IRX2: variants seen among roughly 807,000 people sequenced by gnomAD.
IRX2 encodes the protein iroquois-class homeodomain protein IRX-2.
IRX2 carries 26 observed loss-of-function variants against 42.9 expected under a neutral mutation model. The observed-to-expected ratio is 0.61, with a 90% CI of 0.44 to 0.84. The LOEUF is 0.84. Ranked by LOEUF, IRX2 falls within the 40% of genes least tolerant of loss-of-function variation. The pLI, the probability that IRX2 is intolerant of heterozygous loss-of-function variation, is 0.00. For synonymous variants in IRX2, 424 were observed against 353.9 expected, an observed-to-expected ratio of 1.20 and a Z score of -2.22; for missense variants, 782 against 713.9, an observed-to-expected ratio of 1.10 and a Z score of -1.09.
chr5:2,748,145 T>C (rs1737747648), intron 3 of IRX2, among the ~76,000 whole-genome samples, 200 bp downstream of exon 3: 1 of 152,146 alleles, frequency 6.6e-6, no homozygotes, highest in Non-Finnish European at 1.5e-5. Flanking sequence ...AAATAAATAA[T>C]AACAGGGCAA....
chr5:2,742,321 T>C (rs1169672530), downstream of IRX2, among the ~76,000 whole-genome samples: 46 of 152,216 alleles, frequency 3.0e-4, 1 homozygote, highest in Admixed American at 2.0e-4. Context: ...TTATGGCCAA[T>C]AGATAGTAAT....
At chr5:2,750,056 G>T (rs1481879269) in intron 1 of IRX2, among the ~76,000 whole-genome samples, 1 of 152,128 alleles carries the variant, frequency 6.6e-6, no homozygotes, top group Non-Finnish European at 1.5e-5. Context: ...TTCCGGAGCC[G>T]CTCGTGGCAA....
At chr5:2,736,364 G>T in the IRX2 span, among the ~76,000 whole-genome samples, 1 of 152,170 alleles carries the variant, frequency 6.6e-6, no homozygotes, top group Admixed American at 6.5e-5. Flanking sequence ...TCATCTCAGG[G>T]ATTAAATTTT....
At chr5:2,745,086 T>G (rs1001239893), downstream of IRX2, among the ~76,000 whole-genome samples, 7 of 152,234 alleles carry the variant, frequency 4.6e-5, no homozygotes, top group Admixed American at 3.9e-4. Context: ...CTATCGGAGC[T>G]GGCAGATGTT....
downstream of IRX2, among the ~76,000 whole-genome samples, chr5:2,744,078 G>A (rs1451554476): frequency 5.4e-3 from 131 of 24,088 alleles, no homozygotes; most frequent in Middle Eastern, 0.024. Flanking sequence ...GGAGTCGTGT[G>A]TGTGTGTGTG....
chr5:2,745,913 G>A (rs1737649176), downstream of IRX2: 1 of 151,828 alleles, frequency 6.6e-6, no homozygotes, highest in South Asian at 2.1e-4. Flanking sequence ...AGCACACTCA[G>A]GGCACAAAAA....
At chr5:2,749,875 C>T (rs1291503832) in intron 1 of IRX2, 88 bp from the exon 2 acceptor site, 7 of 1,351,792 alleles carry the variant, frequency 5.2e-6, no homozygotes, top group South Asian at 4.3e-5. Flanking sequence ...CCGCCCACGG[C>T]CACCGTTCCC....
At chr5:2,737,160 T>C in the IRX2 span, 1 of 152,336 alleles carries the variant, frequency 6.6e-6, no homozygotes, top group East Asian at 1.9e-4. Flanking sequence ...AGTAGCTCCG[T>C]TCATTCACGA....
chr5:2,739,223 C>T, the IRX2 span, among the ~76,000 whole-genome samples: 3 of 152,242 alleles, frequency 2.0e-5, no homozygotes, highest in South Asian at 2.1e-4. Context: ...CGGCAACCCA[C>T]CCCGAGCCCG....
chr5:2,735,638 C>T, the IRX2 span, among the ~76,000 whole-genome samples: 8 of 152,176 alleles, frequency 5.3e-5, no homozygotes, highest in African/African-American at 1.4e-4. Flanking sequence ...ACTTCTCTAA[C>T]AAAATATTTT....
Position 2,749,711 on chromosome 5 carries a change from G to A in IRX2, c.326C>T (p.Pro109Leu). ...SYHPYGSAAY[P>L]YQLNDPAYRK... ...GTACGCGGGGTCGTTGAGCTGGTAC[G>A]GGTAGGCCGCGCTGCCGTACGGGTG... The change falls in exon 2 of 4, where the codon CCG becomes CTG. Residue 109 changes from proline to leucine, a missense_variant. Pro to Leu is a moderately conservative substitution (Grantham distance 98). This residue lies in a region of IRX2 where 256 missense variants were observed against 250.0 expected (regional missense o/e 1.02). Coordinates refer to ENST00000302057, the MANE Select transcript of IRX2 (RefSeq NM_033267.5). 1 of 1,614,022 alleles carries A rather than the reference G, an allele frequency of 6.2e-7. No homozygotes were observed. Among genetic ancestry groups the A allele is most frequent in the Admixed American group, 1.7e-5 (1 of 60,012 alleles).
the IRX2 span, among the ~76,000 whole-genome samples, chr5:2,735,959 GA>G: frequency 2.0e-5 from 3 of 152,284 alleles, no homozygotes; most frequent in Middle Eastern, 3.4e-3. Context: ...CCTCAAGGAA[GA>G]AAAAAATTCC....
chr5:2,742,867 T>TGTG (rs1156438747), downstream of IRX2, among the ~76,000 whole-genome samples: 1 of 152,188 alleles, frequency 6.6e-6, no homozygotes, highest in Non-Finnish European at 1.5e-5. Context: ...AGTATGTACA[T>TGTG]TCACTCCGTA....
rs1182929450 is a variant in IRX2 at position 2,749,058 on chromosome 5, G to A, written c.656-6C>T. The A allele has an allele frequency of 1.9e-6, 3 of 1,595,362 alleles. No homozygotes were observed. The highest frequency in any genetic ancestry group is 2.5e-6 in the Non-Finnish European group (3 of 1,178,670). ...GTCCACGTGCAGGCTGATCCCTGTG[G>A]GGGCGCGGGCACGGTGGGTGGCACG... is the stretch of plus-strand genomic sequence containing the variant. On this transcript the variant is annotated splice_polypyrimidine_tract_variant and splice_region_variant and intron_variant, in intron 2 of 3. Coordinates refer to ENST00000302057, the MANE Select transcript of IRX2 (RefSeq NM_033267.5).
intron 1 of IRX2, among the ~76,000 whole-genome samples, 189 bp from the exon 2 acceptor site, chr5:2,749,976 G>A (rs1020628025): frequency 6.6e-6 from 1 of 152,202 alleles, no homozygotes; most frequent in Non-Finnish European, 1.5e-5. Flanking sequence ...ATCACAAAAA[G>A]TACCGGAGTT....
the IRX2 span, among the ~76,000 whole-genome samples, chr5:2,740,314 G>A: frequency 2.2e-4 from 34 of 152,214 alleles, no homozygotes; most frequent in African/African-American, 8.2e-4. Flanking sequence ...CGCAGAAGGC[G>A]AGCGGTCACA....
Position 2,748,616 on chromosome 5 carries a change from C to T in IRX2, c.1092G>A (p.Gly364=), listed in dbSNP as rs752840320. 1.2e-5 allele frequency: 18 copies of T among 1,521,338 alleles called. No individual in the cohort carries two copies. The highest frequency in any genetic ancestry group is 1.5e-5 in the Non-Finnish European group (17 of 1,137,860). 94.2% of individuals were successfully genotyped at this position (1,521,338 alleles called of 1,614,324 possible). A position where few individuals can be genotyped will look rare whatever the true frequency, so the allele number is the denominator to read the frequency against. ...LPAAAAPAST[G]APPGGSPYPA... is the part of the protein sequence containing the mutation. ...GGTAGGGCGAGCCTCCTGGCGGTGC[C>T]CCGGTTGAGGCCGGCGCGGCGGCCG... is the stretch of plus-strand genomic sequence containing the variant. Residue 364 remains glycine, a synonymous_variant, in exon 3 of 4, where the codon GGG becomes GGA. Transcript: ENST00000302057.
At position 2,746,368 on chromosome 5, in the gene IRX2, A is replaced by G. The variant is rs2111440585; in HGVS notation, c.*1196T>C. 6.6e-6 allele frequency: 1 copy of G among 152,270 alleles called. No individual in the cohort carries two copies. Among genetic ancestry groups the G allele is most frequent in the African/African-American group, 2.4e-5 (1 of 41,564 alleles). The allele number at this position is 152,270 out of a possible 1,614,324, so 9.4% of individuals were successfully genotyped here. A position where few individuals can be genotyped will look rare whatever the true frequency, so the allele number is the denominator to read the frequency against. On this transcript the variant is annotated 3_prime_UTR_variant, in exon 4 of 4. Coordinates refer to ENST00000302057, the MANE Select transcript of IRX2 (RefSeq NM_033267.5). ...TATATCATTATAAAAATAAATATCAAATTTGTTTCCACTTCTGAAGTACTC... is the reference window on the plus strand; with the variant it reads ...TATATCATTATAAAAATAAATATCAGATTTGTTTCCACTTCTGAAGTACTC...
chr5:2,741,793 C>A (rs1339090234), downstream of IRX2, among the ~76,000 whole-genome samples: 2 of 152,190 alleles, frequency 1.3e-5, no homozygotes, highest in African/African-American at 4.8e-5. Context: ...ATAGTCAATT[C>A]TTTAAGAATA....
Sources: gnomAD v4.1 joint callset for allele counts (sites outside exome capture counted in the v4.1 genomes callset) on GRCh38, gnomAD v4.1.1 for gene constraint, gnomAD v4.1.1 regional missense constraint, MANE v1.5 for transcripts, NCBI Gene and HGNC (gene_info 2026-07-23, HGNC 2026-07-21) for gene names.